The following CSMD1 variants were observed in gnomAD, a reference collection of about 807,000 sequenced individuals.
The protein encoded by CSMD1 is CUB and Sushi multiple domains 1, also known as CUB and sushi domain-containing protein 1.
Under a neutral mutation model 417.5 loss-of-function variants are expected in CSMD1, and 213 were observed. The ratio of observed to expected loss-of-function variants is 0.51; its 90% confidence interval spans 0.46 to 0.57. The LOEUF (loss-of-function observed/expected upper bound fraction) is 0.57. Among genes scored for constraint, CSMD1 ranks in the 20% least tolerant of loss-of-function variants. The pLI, the probability that CSMD1 is intolerant of heterozygous loss-of-function variation, is 0.00. For synonymous variants in CSMD1, 2,862 were observed against 1,736.8 expected, an observed-to-expected ratio of 1.65 and a Z score of -16.11; for missense variants, 6,923 against 4,529.7, an observed-to-expected ratio of 1.53 and a Z score of -15.17.
chr8:3,951,482 T>C (rs1023030958), intron 5 of CSMD1, among the ~76,000 whole-genome samples: 3 of 152,220 alleles, frequency 2.0e-5, no homozygotes, highest in Non-Finnish European at 4.4e-5. Flanking sequence ...GGATTCCAAC[T>C]GCTTGAATAA....
chr8:4,178,843 T>G (rs957681705), intron 3 of CSMD1, among the ~76,000 whole-genome samples: 2 of 152,020 alleles, frequency 1.3e-5, no homozygotes, highest in Non-Finnish European at 2.9e-5. Flanking sequence ...TCAAAGAGAA[T>G]AAAATACTTA....
chr8:2,949,306 T>C lies in CSMD1; in HGVS notation c.10395A>G (p.Glu3465=). 1 of 1,593,612 alleles carries C rather than the reference T, an allele frequency of 6.3e-7. No homozygotes were observed. The highest frequency in any genetic ancestry group is 8.6e-7 in the Non-Finnish European group (1 of 1,163,684). The change falls in exon 68 of 70, where the codon GAA becomes GAG. Residue 3465 remains glutamate, a synonymous_variant. Transcript: ENST00000635120. ...ATCCTAAGTGCAACTTACCTTGCCTTTCTAGCTTAAATTTTCCAAAGTCTT... is the reference window on the plus strand; with the variant it reads ...ATCCTAAGTGCAACTTACCTTGCCTCTCTAGCTTAAATTTTCCAAAGTCTT... ...HGKDFGKFKL[E]RQDPLNPDQD...
At chr8:4,704,752 G>C (rs962486928) in intron 1 of CSMD1, among the ~76,000 whole-genome samples, 2 of 152,166 alleles carry the variant, frequency 1.3e-5, no homozygotes, top group African/African-American at 4.8e-5. Context: ...CTGGATATGT[G>C]TGAGTTGTCG....
chr8:3,739,959 C>G (rs191617235), intron 6 of CSMD1, among the ~76,000 whole-genome samples: 1 of 152,084 alleles, frequency 6.6e-6, no homozygotes, highest in Non-Finnish European at 1.5e-5. Context: ...TGCCAGAGTT[C>G]GATTCTCCTT....
chr8:3,936,164 T>G, intron 5 of CSMD1, among the ~76,000 whole-genome samples: 1 of 136,504 alleles, frequency 7.3e-6, no homozygotes, highest in South Asian at 2.4e-4. Flanking sequence ...AGATACCAGA[T>G]GTCAGTTCAT....
intron 3 of CSMD1, among the ~76,000 whole-genome samples, chr8:4,103,639 A>T (rs1395631881): frequency 6.6e-6 from 1 of 152,140 alleles, no homozygotes; most frequent in African/African-American, 2.4e-5. Context: ...AGGATCTTTA[A>T]ATCTCATTAG....
intron 5 of CSMD1, among the ~76,000 whole-genome samples, chr8:3,824,765 C>T (rs182572360): frequency 1.3e-3 from 197 of 152,112 alleles, no homozygotes; most frequent in Non-Finnish European, 1.9e-3. Flanking sequence ...ACATTGGTGG[C>T]TCACAATATA....
Position 3,649,472 on chromosome 8 carries a change from G to C in CSMD1, c.1010-32675C>G, listed in dbSNP as rs190256103. Among the ~76,000 whole-genome samples, 481 of 152,236 alleles carry C rather than the reference G, an allele frequency of 3.2e-3. 1 individual carries two copies. The highest frequency in any genetic ancestry group is 5.0e-3 in the Non-Finnish European group (340 of 68,018). On this transcript the variant is annotated intron_variant, in intron 7 of 69. Transcript: ENST00000635120. ...GCTGAATTGACTCACAGTTCATCAT[G>C]GCTGGGGAGGCCTCAGGAAATTTAC...
intron 1 of CSMD1, among the ~76,000 whole-genome samples, chr8:4,916,206 C>A (rs1308890419): frequency 6.6e-6 from 1 of 152,170 alleles, no homozygotes; most frequent in African/African-American, 2.4e-5. Context: ...TGTGAGGCAG[C>A]TCCGTAGATG....
At chr8:4,634,998 C>T (rs4875372) in intron 2 of CSMD1, among the ~76,000 whole-genome samples, 6 of 152,050 alleles carry the variant, frequency 3.9e-5, no homozygotes, top group Non-Finnish European at 5.9e-5. Context: ...TCTACGTATG[C>T]GGATAGGAGG....
intron 3 of CSMD1, among the ~76,000 whole-genome samples, chr8:4,093,064 T>C (rs1025411961): frequency 6.6e-6 from 1 of 152,178 alleles, no homozygotes; most frequent in Non-Finnish European, 1.5e-5. Context: ...TTTGAACAAG[T>C]TGTGTTCTGA....
At chr8:3,738,702 G>A (rs1364307604) in intron 6 of CSMD1, among the ~76,000 whole-genome samples, 1 of 152,166 alleles carries the variant, frequency 6.6e-6, no homozygotes, top group Non-Finnish European at 1.5e-5. Context: ...CAGACACATG[G>A]AAGGTGCCAC....
rs560097911 is a variant in CSMD1, at chr8:3,591,489, T to C, written c.1098-5229A>G. 3.3e-5 allele frequency among the ~76,000 whole-genome samples: 5 copies of C among 152,292 alleles called. No individual in the cohort carries two copies. The East Asian group carries it at 9.6e-4, about 29-fold the overall frequency. Reference sequence around the variant, plus strand: ...TTATTAAACATTGGTATCATAACTATTTTTGAAAAATAATTTGAGGTGACT... The same window carrying C: ...TTATTAAACATTGGTATCATAACTACTTTTGAAAAATAATTTGAGGTGACT... On this transcript the variant is annotated intron_variant, in intron 8 of 69. Transcript: ENST00000635120.
intron 55 of CSMD1, among the ~76,000 whole-genome samples, 156 bp downstream of exon 55, chr8:2,978,456 A>C (rs770880150): frequency 6.6e-6 from 1 of 152,172 alleles, no homozygotes; most frequent in African/African-American, 2.4e-5. Flanking sequence ...ATTTCTGGCC[A>C]CTCGATCTAC....
At chr8:3,522,496 T>C (rs974003605) in intron 10 of CSMD1, among the ~76,000 whole-genome samples, 47 of 152,314 alleles carry the variant, frequency 3.1e-4, no homozygotes, top group African/African-American at 1.1e-3. Context: ...TTACAAAATA[T>C]TTTGTGAGTT....
chr8:4,994,605 T>G lies in CSMD1; in HGVS notation c.-189A>C. On this transcript the variant is annotated 5_prime_UTR_variant, in exon 1 of 70. Coordinates refer to ENST00000635120, the MANE Select transcript of CSMD1 (RefSeq NM_033225.6). ...CTCGCTTCCCTCTCATAGCATCGGG[T>G]CCCGAGCCACTGCAGGGCTGAGCTG... 1.7e-6 allele frequency: 1 copy of G among 599,312 alleles called. No homozygotes were observed. Among genetic ancestry groups the G allele is most frequent in the Non-Finnish European group, 3.0e-6 (1 of 333,408 alleles). 37.1% of individuals were successfully genotyped at this position (599,312 alleles called of 1,614,324 possible).
intron 50 of CSMD1, among the ~76,000 whole-genome samples, chr8:3,033,869 C>G (rs531617365): frequency 1.2e-4 from 19 of 152,360 alleles, no homozygotes; most frequent in African/African-American, 4.3e-4. Flanking sequence ...CAACCTCACT[C>G]AGTACACAGC....
intron 18 of CSMD1, 65 bp downstream of exon 18, chr8:3,387,429 T>G: frequency 2.9e-6 from 4 of 1,356,272 alleles, no homozygotes; most frequent in South Asian, 1.4e-5. Context: ...ACCACCCAGC[T>G]AGTTAGACGT....
At chr8:4,703,216 A>T (rs1807698440) in intron 1 of CSMD1, among the ~76,000 whole-genome samples, 1 of 152,232 alleles carries the variant, frequency 6.6e-6, no homozygotes, top group Non-Finnish European at 1.5e-5. Flanking sequence ...GCTATAGCTC[A>T]TACAGTGTAA....
Sources: allele counts gnomAD v4.1 joint callset (sites outside exome capture counted in the v4.1 genomes callset), GRCh38; gene constraint gnomAD v4.1.1; transcripts MANE v1.5; gene names NCBI Gene and HGNC (gene_info 2026-07-23, HGNC 2026-07-21).